The following ERCC8 variants were observed in gnomAD, a reference collection of about 807,000 sequenced individuals.
ERCC8 encodes ERCC excision repair 8, CSA ubiquitin ligase complex subunit.
Under a neutral mutation model 54.9 loss-of-function variants are expected in ERCC8, and 52 were observed. The ratio of observed to expected loss-of-function variants is 0.95; its 90% confidence interval spans 0.76 to 1.19. ERCC8 has a LOEUF of 1.19. Ranked by LOEUF, ERCC8 falls within the 50% of genes most tolerant of loss-of-function variation. The probability of loss-of-function intolerance (pLI) is 0.00; values close to 1 mark genes in which losing one functional copy is unlikely to be tolerated. For missense variants in ERCC8, 514 were observed against 466.1 expected, an observed-to-expected ratio of 1.10 and a Z score of -0.95; for synonymous variants, 146 against 157.2, an observed-to-expected ratio of 0.93 and a Z score of 0.53.
intron 7 of ERCC8, chr5:60,900,682 G>A (rs1276852458): frequency 1.3e-5 from 2 of 151,938 alleles, no homozygotes; most frequent in Non-Finnish European, 2.9e-5. Context: ...TTCTTTCCAG[G>A]TGAAGGAAAT....
At chr5:60,880,366 G>T (rs1049409005) in intron 11 of ERCC8, among the ~76,000 whole-genome samples, 1 of 152,156 alleles carries the variant, frequency 6.6e-6, no homozygotes, top group Admixed American at 6.5e-5. Flanking sequence ...TTCTCGAGGA[G>T]TATCTTTGTG....
intron 4 of ERCC8, among the ~76,000 whole-genome samples, chr5:60,905,137 T>C (rs1247389865): frequency 6.6e-6 from 1 of 152,148 alleles, no homozygotes; most frequent in Non-Finnish European, 1.5e-5. Flanking sequence ...TGGCTCACCA[T>C]ATTCCTCTCC....
intron 4 of ERCC8, among the ~76,000 whole-genome samples, chr5:60,908,135 C>A (rs191356591): frequency 1.3e-4 from 20 of 152,042 alleles, no homozygotes; most frequent in Admixed American, 1.3e-3. Context: ...GTTCTATGTA[C>A]TCCTTTCAAA....
chr5:60,944,805 A>T (rs1750385146), intron 1 of ERCC8, 127 bp downstream of exon 1: 3 of 599,152 alleles, frequency 5.0e-6, no homozygotes, highest in Admixed American at 2.2e-5. Flanking sequence ...CAAGCCACAC[A>T]GCATTAGAGG....
rs1230184959 is a variant in ERCC8, at chr5:60,871,571, T to C, written c.*3044A>G. On this transcript the variant is annotated 3_prime_UTR_variant, in exon 12 of 12. Transcript: ENST00000676185. ...ACATCCCATTATGTAAAATTATATG[T>C]ATCATAAGAGATTCATGAAGAATGA... is the stretch of plus-strand genomic sequence containing the variant. 6.6e-6 allele frequency among the ~76,000 whole-genome samples: 1 copy of C among 152,196 alleles called. No homozygotes were observed. Among genetic ancestry groups the C allele is most frequent in the East Asian group, 1.9e-4 (1 of 5,196 alleles).
At position 60,904,683 on chromosome 5, in the gene ERCC8, T is replaced by A. The variant is rs55910841; in HGVS notation, c.481+109A>T. On this transcript the variant is annotated intron_variant, in intron 5 of 11. Coordinates refer to ENST00000676185, the MANE Select transcript of ERCC8 (RefSeq NM_000082.4). ...ATATATATATATATATATATATATA[T>A]AAAATTGTGATATTCCTCTGGGTTA... 95 of 232,494 alleles carry A rather than the reference T, an allele frequency of 4.1e-4. No individual in the cohort carries two copies. The East Asian group carries it at 5.0e-3, about 12-fold the overall frequency. The allele number at this position is 232,494 out of a possible 1,614,324, so 14.4% of individuals were successfully genotyped here.
chr5:60,927,912 T>C (rs1749798935), intron 2 of ERCC8, among the ~76,000 whole-genome samples: 1 of 152,248 alleles, frequency 6.6e-6, no homozygotes, highest in South Asian at 2.1e-4. Flanking sequence ...TGGAAGTTTA[T>C]CAAATCTGTT....
chr5:60,928,999 T>A, intron 1 of ERCC8, 40 bp from the exon 2 acceptor site: 1 of 1,211,626 alleles, frequency 8.3e-7, no homozygotes, highest in Non-Finnish European at 1.2e-6. Context: ...AACAAGTAAT[T>A]TAACATTTAA....
In ERCC8 at chr5:60,928,861, T is replaced by C. The variant is rs749063501; in HGVS notation, c.173+3A>G. The C allele has an allele frequency of 6.5e-7, 1 of 1,537,062 alleles. No individual in the cohort carries two copies. Among genetic ancestry groups the C allele is most frequent in the Non-Finnish European group, 9.0e-7 (1 of 1,111,800 alleles). On this transcript the variant is annotated splice_donor_region_variant and intron_variant, in intron 2 of 11. Coordinates refer to ENST00000676185, the MANE Select transcript of ERCC8 (RefSeq NM_000082.4). ...AATGATTATACAAGTATAATAAACTTACTATCTCCCTTCAACAGGTTCAAT... is the reference window on the plus strand; with the variant it reads ...AATGATTATACAAGTATAATAAACTCACTATCTCCCTTCAACAGGTTCAAT...
chr5:60,938,349 AATTTTT>A (rs1750152603), intron 1 of ERCC8, among the ~76,000 whole-genome samples: 1 of 108,768 alleles, frequency 9.2e-6, no homozygotes, highest in African/African-American at 4.2e-5. Flanking sequence ...TACCTTTTTG[AATTTTT>A]TTTTTTTTTT....
chr5:60,901,529 T>C (rs2112490206), intron 7 of ERCC8, among the ~76,000 whole-genome samples: 1 of 152,170 alleles, frequency 6.6e-6, no homozygotes, highest in South Asian at 2.1e-4. Context: ...AGAGATGACA[T>C]CAAGTTCTAC....
intron 7 of ERCC8, among the ~76,000 whole-genome samples, 163 bp from the exon 8 acceptor site, chr5:60,899,890 T>C (rs4647118): frequency 1.9e-4 from 29 of 151,984 alleles, no homozygotes; most frequent in Middle Eastern, 3.4e-3. Context: ...AAATATTCAA[T>C]AGTCAACAGT....
At chr5:60,927,138 C>A (rs1003642304) in intron 2 of ERCC8, among the ~76,000 whole-genome samples, 2 of 152,204 alleles carry the variant, frequency 1.3e-5, no homozygotes, top group Non-Finnish European at 2.9e-5. Context: ...TCTGCAGTTG[C>A]ACCTGTTAAA....
intron 3 of ERCC8, among the ~76,000 whole-genome samples, chr5:60,920,379 A>C (rs1417135268): frequency 6.6e-6 from 1 of 152,032 alleles, no homozygotes; most frequent in Non-Finnish European, 1.5e-5. Context: ...GATAACAAAT[A>C]AAAGCTCACT....
intron 4 of ERCC8, among the ~76,000 whole-genome samples, chr5:60,906,319 AGCCACTGCTGG>A (rs1472681766): frequency 6.7e-6 from 1 of 149,256 alleles, no homozygotes; most frequent in Admixed American, 6.7e-5. Flanking sequence ...TACAGGTGTG[AGCCACTGCTGG>A]GCCTATGTTT....
chr5:60,892,225 T>G (rs760042081), intron 9 of ERCC8: 1 of 539,630 alleles, frequency 1.9e-6, no homozygotes, highest in Non-Finnish European at 3.7e-6. Flanking sequence ...CAGTGAGATC[T>G]CCAATCTTAT....
At chr5:60,943,865 G>C (rs997758014) in intron 1 of ERCC8, among the ~76,000 whole-genome samples, 2 of 152,132 alleles carry the variant, frequency 1.3e-5, no homozygotes, top group Non-Finnish European at 2.9e-5. Context: ...GTCAGAGGAA[G>C]TGACACTGGC....
chr5:60,938,048 CATATATATATATATATATATATATATAT>C (rs1170248858), intron 1 of ERCC8, among the ~76,000 whole-genome samples: 4 of 23,396 alleles, frequency 1.7e-4, no homozygotes, highest in Non-Finnish European at 2.6e-4. Flanking sequence ...TACATACATA[CATATATATATATATATATATATATATAT>C]ATATATATAT....
At chr5:60,881,449 C>G (rs1008485728) in intron 11 of ERCC8, among the ~76,000 whole-genome samples, 7 of 152,188 alleles carry the variant, frequency 4.6e-5, no homozygotes, top group African/African-American at 1.7e-4. Context: ...CTATGCCGTG[C>G]CCCCAGAGGT....
Sources: gnomAD v4.1 joint callset for allele counts (sites outside exome capture counted in the v4.1 genomes callset) on GRCh38, gnomAD v4.1.1 for gene constraint, MANE v1.5 for transcripts, NCBI Gene and HGNC (gene_info 2026-07-23, HGNC 2026-07-21) for gene names.